Variants in DCC observed in about 807,000 individuals in gnomAD.
DCC encodes netrin receptor DCC.
DCC carries 58 observed loss-of-function variants against 172.5 expected under a neutral mutation model. That is an observed-to-expected ratio of 0.34 (90% CI 0.27 to 0.42). The LOEUF is 0.42. Among genes scored for constraint, DCC ranks in the 10% least tolerant of loss-of-function variants. The pLI, the probability that DCC is intolerant of heterozygous loss-of-function variation, is 1.00. For missense variants in DCC, 1,740 were observed against 1,791.0 expected (o/e 0.97, Z 0.51); for synonymous variants, 709 against 644.5 (o/e 1.10, Z -1.52).
intron 2 of DCC, among the ~76,000 whole-genome samples, chr18:52,842,273 A>C (rs888177300): frequency 6.6e-6 from 1 of 152,122 alleles, no homozygotes; most frequent in African/African-American, 2.4e-5. Flanking sequence ...GCAGAGACAG[A>C]GCTTTACTAT....
chr18:53,239,463 A>G (rs2056256325), intron 12 of DCC, among the ~76,000 whole-genome samples: 1 of 152,078 alleles, frequency 6.6e-6, no homozygotes, highest in African/African-American at 2.4e-5. Flanking sequence ...GTGATAGCTC[A>G]TGTCACAAAA....
chr18:52,712,564 C>G (rs2036310968), intron 1 of DCC, among the ~76,000 whole-genome samples: 1 of 152,146 alleles, frequency 6.6e-6, no homozygotes, highest in Non-Finnish European at 1.5e-5. Flanking sequence ...TCTCCATATT[C>G]CATGCAAGAA....
At chr18:53,026,924 C>T (rs1464196911) in intron 5 of DCC, among the ~76,000 whole-genome samples, 2 of 151,984 alleles carry the variant, frequency 1.3e-5, no homozygotes, top group Non-Finnish European at 2.9e-5. Flanking sequence ...AAGGGTATTT[C>T]CAATTTCTGT....
chr18:53,220,522 G>A (rs903440663), intron 12 of DCC, among the ~76,000 whole-genome samples: 3 of 152,148 alleles, frequency 2.0e-5, no homozygotes, highest in African/African-American at 4.8e-5. Flanking sequence ...CACAAATGTA[G>A]TAGGTTTAAA....
intron 9 of DCC, among the ~76,000 whole-genome samples, chr18:53,203,842 G>C (rs960336228): frequency 1.3e-5 from 2 of 152,144 alleles, no homozygotes; most frequent in African/African-American, 4.8e-5. Flanking sequence ...ATCATTTGTT[G>C]ATTTTAGGTA....
intron 25 of DCC, among the ~76,000 whole-genome samples, chr18:53,470,228 G>A (rs143393278): frequency 1.9e-4 from 29 of 151,950 alleles, no homozygotes; most frequent in African/African-American, 6.7e-4. Context: ...CCTGAGGCAG[G>A]ATCTCTAGGG....
rs142655302 is a variant in DCC at position 52,524,704 on chromosome 18, T to C, written c.91+183826T>C. On this transcript the variant is annotated intron_variant, in intron 1 of 28. Transcript: ENST00000442544. ...GAACAGTGGAGCCAAAGGGAGTGCA[T>C]GAGCTTTGAGTATGCCTGCTGTTCA... Among the ~76,000 whole-genome samples the C allele has an allele frequency of 7.1e-3, 1,079 of 152,218 alleles. 8 individuals carry two copies. The highest frequency in any genetic ancestry group is 8.3e-3 in the Non-Finnish European group (564 of 68,006).
At chr18:52,480,255 G>A (rs969967692) in intron 1 of DCC, among the ~76,000 whole-genome samples, 13 of 134,980 alleles carry the variant, frequency 9.6e-5, no homozygotes, top group African/African-American at 3.7e-4. Flanking sequence ...ATAAGAACAG[G>A]GGATAGATCT....
At chr18:52,819,104 T>C (rs886393252) in intron 2 of DCC, among the ~76,000 whole-genome samples, 2 of 152,176 alleles carry the variant, frequency 1.3e-5, no homozygotes, top group Admixed American at 6.6e-5. Context: ...ACAGAAATAT[T>C]TTGCATGTAG....
chr18:52,679,638 C>G (rs2035709110), intron 1 of DCC, among the ~76,000 whole-genome samples: 1 of 152,092 alleles, frequency 6.6e-6, no homozygotes, highest in Non-Finnish European at 1.5e-5. Flanking sequence ...TTTGCTGAAC[C>G]AAACAGAATT....
At chr18:52,798,714 A>G (rs1158574852) in intron 2 of DCC, among the ~76,000 whole-genome samples, 2 of 151,940 alleles carry the variant, frequency 1.3e-5, no homozygotes, top group Non-Finnish European at 2.9e-5. Context: ...GAGGTGGAAA[A>G]GCTGTATTTA....
intron 3 of DCC, among the ~76,000 whole-genome samples, chr18:52,921,937 C>T (rs2040132920): frequency 6.6e-6 from 1 of 151,786 alleles, no homozygotes; most frequent in African/African-American, 2.4e-5. Context: ...TATTCAAATG[C>T]ATAGGCCTCT....
chr18:53,041,154 G>A lies in DCC; in HGVS notation c.986-22151G>A, dbSNP rs559763254. On this transcript the variant is annotated intron_variant, in intron 5 of 28. Coordinates refer to ENST00000442544, the MANE Select transcript of DCC (RefSeq NM_005215.4). ...GGGTTTTTATTGTTTTAGGTCTTAC[G>A]TTTAAGTCTTTAATCCGACTTGAAT... 1.3e-4 allele frequency among the ~76,000 whole-genome samples: 19 copies of A among 146,500 alleles called. 1 individual carries two copies. In the South Asian group the frequency reaches 3.0e-3, roughly 23 times the overall value.
chr18:53,180,718 C>A (rs2055182115), intron 9 of DCC, among the ~76,000 whole-genome samples: 1 of 152,162 alleles, frequency 6.6e-6, no homozygotes, highest in Non-Finnish European at 1.5e-5. Flanking sequence ...GACTGGAGTG[C>A]AGTGGCACAA....
At chr18:52,802,073 T>A (rs1250784798) in intron 2 of DCC, among the ~76,000 whole-genome samples, 1 of 152,044 alleles carries the variant, frequency 6.6e-6, no homozygotes, top group Non-Finnish European at 1.5e-5. Context: ...ACAGTATTAC[T>A]GCTCTAAGGG....
intron 12 of DCC, among the ~76,000 whole-genome samples, chr18:53,302,540 G>A (rs2057153646): frequency 6.6e-6 from 1 of 151,726 alleles, no homozygotes; most frequent in Non-Finnish European, 1.5e-5. Context: ...AACGCTGTTT[G>A]TTGTGTTTTA....
chr18:52,414,659 C>T (rs2144412023), intron 1 of DCC, among the ~76,000 whole-genome samples: 1 of 152,216 alleles, frequency 6.6e-6, no homozygotes, highest in East Asian at 1.9e-4. Context: ...TCCAATAAAG[C>T]CATGAGACTC....
intron 22 of DCC, among the ~76,000 whole-genome samples, chr18:53,448,661 C>T (rs145158759): frequency 1.3e-5 from 2 of 149,462 alleles, no homozygotes; most frequent in Non-Finnish European, 1.5e-5. Flanking sequence ...GTGTTCAAGA[C>T]CAGCCTGGTC....
chr18:52,872,005 T>C (rs1364301237), intron 2 of DCC, among the ~76,000 whole-genome samples: 1 of 152,170 alleles, frequency 6.6e-6, no homozygotes, highest in African/African-American at 2.4e-5. Context: ...ATCATGCTCA[T>C]AGTGCCAAAA....
Sources: gnomAD v4.1 joint callset for allele counts (sites outside exome capture counted in the v4.1 genomes callset) on GRCh38, gnomAD v4.1.1 for gene constraint, MANE v1.5 for transcripts, NCBI Gene and HGNC (gene_info 2026-07-23, HGNC 2026-07-21) for gene names.